The following GABRQ variants were observed in gnomAD, a reference collection of about 807,000 sequenced individuals.
GABRQ encodes the protein gamma-aminobutyric acid type A receptor subunit theta.
A neutral mutation model predicts 30.5 loss-of-function variants in GABRQ; 19 were observed. The observed-to-expected ratio is 0.62, with a 90% CI of 0.43 to 0.91. GABRQ has a LOEUF of 0.91. Ranked by LOEUF, GABRQ falls within the 40% of genes least tolerant of loss-of-function variation. The pLI is 0.00. For synonymous variants in GABRQ, 187 were observed against 210.2 expected (o/e 0.89, Z 0.95); for missense variants, 520 against 521.4 (o/e 1.00, Z 0.03).
rs781853975 is a variant in GABRQ at position 152,652,825 on chromosome X, A to C, written c.1443A>C (p.Glu481Asp). ...CTGATGACAGTATTATTCCTACCGA[A>C]ATCCGCAACCGTGTCGAAGCCCATG... ...FQADDSIIPT[E>D]IRNRVEAHGH... Residue 481 changes from glutamate (E) to aspartate (D), a missense_variant, in exon 9 of 9, where the codon GAA becomes GAC. Glu to Asp is a conservative substitution (Grantham distance 45). Coordinates refer to ENST00000598523, the MANE Select transcript of GABRQ (RefSeq NM_018558.4). 143 of 1,209,293 alleles carry C rather than the reference A, an allele frequency of 1.2e-4. No individual in the cohort carries two copies. The highest frequency in any genetic ancestry group is 1.6e-4 in the Non-Finnish European group (139 of 894,160).
In GABRQ at chrX:152,638,082, TG is replaced by T; in HGVS notation, c.-117del. ...TGCTCTCTCCTTAGAGGCGACTCTTTGGGGAAGGGCCAGCAATCCCGCCTTC... is the reference window on the plus strand; with the variant it reads ...TGCTCTCTCCTTAGAGGCGACTCTTTGGGAAGGGCCAGCAATCCCGCCTTC... On this transcript the variant is annotated 5_prime_UTR_variant, in exon 1 of 9. Coordinates refer to ENST00000598523, the MANE Select transcript of GABRQ (RefSeq NM_018558.4). The T allele has an allele frequency of 1.6e-6, 1 of 623,174 alleles. No individual in the cohort carries two copies. The highest frequency in any genetic ancestry group is 2.4e-6 in the Non-Finnish European group (1 of 410,591). The allele number at this position is 623,174 out of a possible 1,213,427, so 51.4% of individuals were successfully genotyped here.
chrX:152,647,057 G>A lies in GABRQ; in HGVS notation c.416G>A (p.Trp139Ter), dbSNP rs1930906382. Residue 139 changes from tryptophan (W) to a stop codon, truncating the protein, a stop_gained, in exon 4 of 9, where the codon TGG (tryptophan) becomes TAG (stop). Transcript: ENST00000598523. LOFTEE classifies it high-confidence loss of function. ...TLDYRMHEKLWVPDCYFLNSK... is the reference protein window; with the variant it reads ...TLDYRMHEKL The stretch of plus-strand genomic sequence containing the variant: ...GACTATCGGATGCATGAGAAGTTGT[G>A]GGTCCCTGACTGCTACTTTCTGAAC... 5 of 1,206,273 alleles carry A rather than the reference G, an allele frequency of 4.1e-6. No homozygotes were observed. Among genetic ancestry groups the A allele is most frequent in the Non-Finnish European group, 4.5e-6 (4 of 890,612 alleles).
rs781816211 is a variant in GABRQ at position 152,652,884 on chromosome X, A to T, written c.1502A>T (p.Asn501Ile). 1 of 1,210,696 alleles carries T rather than the reference A, an allele frequency of 8.3e-7. No homozygotes were observed. The highest frequency in any genetic ancestry group is 1.7e-5 in the African/African-American group (1 of 57,460). ...HGVTHDHEDS[N>I]ESLSSDERHG... is the part of the protein sequence containing the mutation. ...GTTACCCATGACCATGAAGATTCCA[A>T]TGAGAGCTTGAGCTCGGATGAGCGC... Residue 501 changes from asparagine to isoleucine, a missense_variant, in exon 9 of 9, where the codon AAT becomes ATT. Asn to Ile is a moderately radical substitution (Grantham distance 149). Transcript: ENST00000598523.
Position 152,651,746 on chromosome X carries a change from C to T in GABRQ, c.1122C>T (p.Arg374=), listed in dbSNP as rs1556820272. ...GGAGACCCCGAAGAGTCATTGCCCG[C>T]TACCGCTACCAGCAAGTGGTGGTAG... ...RHRRPRRVIA[R]YRYQQVVVGN... Residue 374 remains arginine, a synonymous_variant, in exon 8 of 9, where the codon CGC becomes CGT. Coordinates refer to ENST00000598523, the MANE Select transcript of GABRQ (RefSeq NM_018558.4). The T allele has an allele frequency of 1.7e-6, 2 of 1,211,562 alleles. No individual in the cohort carries two copies. Among genetic ancestry groups the T allele is most frequent in the Non-Finnish European group, 1.1e-6 (1 of 895,111 alleles).
chrX:152,652,763 C>T lies in GABRQ; in HGVS notation c.1381C>T (p.Arg461Trp), dbSNP rs1251775846. The change falls in exon 9 of 9, where the codon CGG (arginine) becomes TGG (tryptophan). Residue 461 changes from arginine to tryptophan, a missense_variant. Transcript: ENST00000598523. ...SDLPSTSEQA[R>W]HSYGVRFNGF... is the part of the protein sequence containing the mutation. ...TCTCCCCTCCACCTCAGAGCAGGCC[C>T]GGCACAGCTATGGTGTTCGCTTTAA... The T allele has an allele frequency of 6.6e-6, 8 of 1,210,331 alleles. No individual in the cohort carries two copies. The highest frequency in any genetic ancestry group is 1.8e-5 in the South Asian group (1 of 56,845).
At position 152,646,957 on chromosome X, in the gene GABRQ, A is replaced by T. The variant is rs948376535; in HGVS notation, c.316A>T (p.Ile106Phe). 14 of 1,198,346 alleles carry T rather than the reference A, an allele frequency of 1.2e-5. No homozygotes were observed. Among genetic ancestry groups the T allele is most frequent in the Non-Finnish European group, 1.6e-5 (14 of 884,830 alleles). ...ACATTTGTCTTCCCAGGACTACACG[A>T]TCACGATGTTTTTTCATCAGACTTG... ...QISEMNMDYT[I>F]TMFFHQTWKD... The change falls in exon 4 of 9, where the codon ATC becomes TTC. Residue 106 changes from isoleucine to phenylalanine, a missense_variant. Transcript: ENST00000598523.
intron 8 of GABRQ, 70 bp from the exon 9 acceptor site, chrX:152,652,464 TTCCCTCC>T: frequency 1.1e-6 from 1 of 880,830 alleles, no homozygotes; most frequent in Non-Finnish European, 1.6e-6. Flanking sequence ...GGGAAGTCCC[TTCCCTCC>T]TCCCTCCCCC....
rs1428291603 is a variant in GABRQ, at chrX:152,655,304, C to T, written c.*2023C>T. 1 of 111,995 alleles carries T rather than the reference C, an allele frequency of 8.9e-6. No homozygotes were observed. Among genetic ancestry groups the T allele is most frequent in the African/African-American group, 3.3e-5 (1 of 30,689 alleles). The allele number at this position is 111,995 out of a possible 1,213,427, so 9.2% of individuals were successfully genotyped here. ...CCAGGGAGCAGCATCTCCCAGTTCC[C>T]TTCCACTGTTTGCCCTGTCCCTCCA... On this transcript the variant is annotated 3_prime_UTR_variant, in exon 9 of 9. Transcript: ENST00000598523.
In GABRQ at chrX:152,652,622, C is replaced by T. The variant is rs374632460; in HGVS notation, c.1240C>T (p.Leu414Phe). Residue 414 changes from leucine (L) to phenylalanine (F), a missense_variant, in exon 9 of 9, where the codon CTC becomes TTC. By Grantham distance (22) the Leu-to-Phe change is conservative. Coordinates refer to ENST00000598523, the MANE Select transcript of GABRQ (RefSeq NM_018558.4). ...GGCCCCCCTGGCAAGCCCGGAAAGC[C>T]TCGGTTCTTTGACGTCCACCTCCGA... ...AQAPLASPES[L>F]GSLTSTSEQA... 3.1e-5 allele frequency: 37 copies of T among 1,210,064 alleles called. No individual in the cohort carries two copies. Among genetic ancestry groups the T allele is most frequent in the Non-Finnish European group, 4.1e-5 (37 of 894,919 alleles).
In GABRQ at chrX:152,647,182, G is replaced by C; in HGVS notation, c.527+14G>C. 2 of 1,130,186 alleles carry C rather than the reference G, an allele frequency of 1.8e-6. No homozygotes were observed. Among genetic ancestry groups the C allele is most frequent in the Non-Finnish European group, 2.4e-6 (2 of 821,741 alleles). The allele number at this position is 1,130,186 out of a possible 1,213,427, so 93.1% of individuals were successfully genotyped here. A position where few individuals can be genotyped will look rare whatever the true frequency, so the allele number is the denominator to read the frequency against. ...GTACGGCATCCGGTGAGTCCCCTAGGGGTCTGGGGATGTCCCAGCAGACTT... is the reference window on the plus strand; with the variant it reads ...GTACGGCATCCGGTGAGTCCCCTAGCGGTCTGGGGATGTCCCAGCAGACTT... On this transcript the variant is annotated intron_variant, in intron 4 of 8. Transcript: ENST00000598523.
Position 152,650,527 on chromosome X carries a change from C to T in GABRQ, c.848C>T (p.Ser283Phe). The part of the protein sequence containing the change: ...YWPTVLTTIT[S>F]WISFWMNYDS... Reference sequence around the variant, plus strand: ...CCTACTGTCCTCACCACTATTACCTCTTGGATATCGTTTTGGATGAACTAT... The same window carrying T: ...CCTACTGTCCTCACCACTATTACCTTTTGGATATCGTTTTGGATGAACTAT... Residue 283 changes from serine (S) to phenylalanine (F), a missense_variant, in exon 7 of 9, where the codon TCT (serine) becomes TTT (phenylalanine). Coordinates refer to ENST00000598523, the MANE Select transcript of GABRQ (RefSeq NM_018558.4). 1 of 1,205,187 alleles carries T rather than the reference C, an allele frequency of 8.3e-7. No individual in the cohort carries two copies.
chrX:152,639,163 A>G (rs997003017), intron 1 of GABRQ, among the ~76,000 whole-genome samples: 2 of 110,469 alleles, frequency 1.8e-5, no homozygotes, highest in Admixed American at 9.6e-5. Flanking sequence ...TAATTTGGGA[A>G]TAATTCATGT....
At position 152,652,829 on chromosome X, in the gene GABRQ, C is replaced by A. The variant is rs782062554; in HGVS notation, c.1447C>A (p.Arg483Ser). 8.3e-7 allele frequency: 1 copy of A among 1,210,816 alleles called. No homozygotes were observed. The highest frequency in any genetic ancestry group is 1.8e-5 in the South Asian group (1 of 56,988). Residue 483 changes from arginine (R) to serine (S), a missense_variant, in exon 9 of 9, where the codon CGC becomes AGC. Physicochemically the swap from Arg to Ser is moderately radical, Grantham distance 110 (BLOSUM62 -1). Transcript: ENST00000598523. ...TGACAGTATTATTCCTACCGAAATC[C>A]GCAACCGTGTCGAAGCCCATGGCCA... ...ADDSIIPTEIRNRVEAHGHGV... is the reference protein window; with the variant it reads ...ADDSIIPTEISNRVEAHGHGV...
In GABRQ at chrX:152,640,456, G is replaced by A. The variant is rs1188718357; in HGVS notation, c.228G>A (p.Pro76=). Reference sequence around the variant, plus strand: ...CAAGATACGATGTCCGCCTGAGACCGAATTTTGGAGGTAAGGCATATCCAG... The same window carrying A: ...CAAGATACGATGTCCGCCTGAGACCAAATTTTGGAGGTAAGGCATATCCAG... The part of the protein sequence containing the change: ...VLSRYDVRLR[P]NFGGAPVPVR... Residue 76 remains proline, a synonymous_variant, in exon 2 of 9, where the codon CCG becomes CCA. Coordinates refer to ENST00000598523, the MANE Select transcript of GABRQ (RefSeq NM_018558.4). 2 of 1,156,787 alleles carry A rather than the reference G, an allele frequency of 1.7e-6. No homozygotes were observed. Among genetic ancestry groups the A allele is most frequent in the African/African-American group, 1.8e-5 (1 of 56,703 alleles).
intron 3 of GABRQ, among the ~76,000 whole-genome samples, chrX:152,646,663 T>C (rs1268555914): frequency 8.9e-6 from 1 of 112,077 alleles, no homozygotes; most frequent in Non-Finnish European, 1.9e-5. Context: ...ACTCGGATAA[T>C]GGTTACTGCT....
rs1931020663 is a variant in GABRQ, at chrX:152,651,545, C to G, written c.921C>G (p.Ile307Met). The G allele has an allele frequency of 1.7e-6, 2 of 1,207,035 alleles. No individual in the cohort carries two copies. The highest frequency in any genetic ancestry group is 2.2e-6 in the Non-Finnish European group (2 of 891,877). The change falls in exon 8 of 9, where the codon ATC becomes ATG. Residue 307 changes from isoleucine to methionine, a missense_variant. Ile to Met is a conservative substitution (Grantham distance 10, BLOSUM62 1). Coordinates refer to ENST00000598523, the MANE Select transcript of GABRQ (RefSeq NM_018558.4). ...TTACAGGCTTAACTTCAATGCTCAT[C>G]CTGACCACCATCGACTCACATCTGC... is the stretch of plus-strand genomic sequence containing the variant. ...RVTIGLTSMLILTTIDSHLRD... is the reference protein window; with the variant it reads ...RVTIGLTSMLMLTTIDSHLRD...
At chrX:152,650,240 C>T (rs1556819934) in intron 6 of GABRQ, among the ~76,000 whole-genome samples, 188 bp from the exon 7 acceptor site, 1 of 112,112 alleles carries the variant, frequency 8.9e-6, no homozygotes, top group East Asian at 2.8e-4. Context: ...TTGCTATGCT[C>T]ATGCGCCTAC....
intron 7 of GABRQ, among the ~76,000 whole-genome samples, 157 bp from the exon 8 acceptor site, chrX:152,651,369 G>A (rs1931015142): frequency 8.9e-6 from 1 of 112,009 alleles, no homozygotes; most frequent in African/African-American, 3.2e-5. Flanking sequence ...AGTGAAGCGT[G>A]GGCTGAGTTT....
chrX:152,650,717 T>G, intron 7 of GABRQ, 137 bp downstream of exon 7: 1 of 504,974 alleles, frequency 2.0e-6, no homozygotes, highest in Non-Finnish European at 3.4e-6. Flanking sequence ...CAATAGACAT[T>G]TGCACCTTTG....
Sources: allele counts gnomAD v4.1 joint callset (sites outside exome capture counted in the v4.1 genomes callset), GRCh38; gene constraint gnomAD v4.1.1; transcripts MANE v1.5; gene names NCBI Gene and HGNC (gene_info 2026-07-23, HGNC 2026-07-21).